NRXN1: variants seen among roughly 807,000 people sequenced by gnomAD.
NRXN1 encodes neurexin 1, also known as neurexin-1.
Under a neutral mutation model 150.9 loss-of-function variants are expected in NRXN1, and 39 were observed. The observed-to-expected ratio is 0.26, with a 90% confidence interval of 0.20 to 0.34. The LOEUF (loss-of-function observed/expected upper bound fraction) is 0.34, where lower values mean the gene tolerates loss of function less well. Ranked by LOEUF, NRXN1 falls within the 10% of genes least tolerant of loss-of-function variation. The pLI is 1.00. For missense variants in NRXN1, 1,815 were observed against 1,949.9 expected, an observed-to-expected ratio of 0.93 and a Z score of 1.30; for synonymous variants, 924 against 757.0, an observed-to-expected ratio of 1.22 and a Z score of -3.62.
At chr2:50,839,427 G>A (rs1672558963) in intron 5 of NRXN1, among the ~76,000 whole-genome samples, 1 of 152,058 alleles carries the variant, frequency 6.6e-6, no homozygotes, top group Non-Finnish European at 1.5e-5. Context: ...CATAATGTTT[G>A]AATTATTGTA....
chr2:50,951,794 T>G (rs1000964565), intron 2 of NRXN1, among the ~76,000 whole-genome samples: 3 of 151,612 alleles, frequency 2.0e-5, no homozygotes, highest in African/African-American at 7.3e-5. Context: ...TATAAAAATA[T>G]GTTTCCTCAT....
chr2:51,009,465 A>G (rs1667526459), intron 2 of NRXN1, among the ~76,000 whole-genome samples: 1 of 151,938 alleles, frequency 6.6e-6, no homozygotes, highest in African/African-American at 2.4e-5. Context: ...TCGGGACAAA[A>G]GGAATGGGAA....
At chr2:50,829,433 A>C in intron 5 of NRXN1, 1 of 1,500,610 alleles carries the variant, frequency 6.7e-7, no homozygotes, top group Non-Finnish European at 9.3e-7. Context: ...CGGCTAACTC[A>C]GGATTTTTCC....
intron 18 of NRXN1, among the ~76,000 whole-genome samples, chr2:50,210,941 A>G (rs1449181836): frequency 6.6e-6 from 1 of 151,752 alleles, no homozygotes; most frequent in South Asian, 2.1e-4. Context: ...TGGTTTAATC[A>G]AGTCTAAATA....
At chr2:50,320,368 G>C (rs1465758131) in intron 17 of NRXN1, among the ~76,000 whole-genome samples, 2 of 127,102 alleles carry the variant, frequency 1.6e-5, no homozygotes, top group African/African-American at 5.8e-5. Flanking sequence ...AGTAGGAATG[G>C]GTTTGTTTGA....
intron 18 of NRXN1, among the ~76,000 whole-genome samples, chr2:50,103,679 T>G (rs560539351): frequency 4.7e-4 from 72 of 152,186 alleles, no homozygotes; most frequent in Non-Finnish European, 6.0e-4. Context: ...CGTTTTGAAC[T>G]TGAGATAAAA....
At chr2:50,829,261 GGGAGA>G (rs1384320048) in intron 5 of NRXN1, among the ~76,000 whole-genome samples, 1 of 111,606 alleles carries the variant, frequency 9.0e-6, no homozygotes, top group Non-Finnish European at 2.1e-5. Context: ...GGAGACCGTG[GGGAGA>G]GGGAGAGGGA....
intron 8 of NRXN1, among the ~76,000 whole-genome samples, chr2:50,586,983 A>T (rs1466598191): frequency 6.6e-6 from 1 of 152,218 alleles, no homozygotes; most frequent in African/African-American, 2.4e-5. Context: ...ATTAGGAAAG[A>T]TAATTTCCAA....
chr2:50,315,798 T>G (rs2075555497), intron 17 of NRXN1, among the ~76,000 whole-genome samples: 1 of 152,166 alleles, frequency 6.6e-6, no homozygotes, highest in Non-Finnish European at 1.5e-5. Flanking sequence ...TAGTAATGCT[T>G]CTTTTGAAGT....
At chr2:50,079,692 A>G (rs968718657) in intron 19 of NRXN1, among the ~76,000 whole-genome samples, 1 of 152,136 alleles carries the variant, frequency 6.6e-6, no homozygotes, top group Admixed American at 6.5e-5. Context: ...GATTATCAGT[A>G]TTCTATTGAG....
Position 50,472,474 on chromosome 2 carries a change from G to T in NRXN1, c.3071-3C>A, listed in dbSNP as rs1488914789. On this transcript the variant is annotated splice_region_variant and splice_polypyrimidine_tract_variant and intron_variant, in intron 15 of 22. Transcript: ENST00000401669. ...TACTCCTCCTATATATAAGTCACCT[G>T]CAAGAAGATCAAAGTCTTTGTTACA... 2.5e-6 allele frequency: 4 copies of T among 1,607,542 alleles called. No individual in the cohort carries two copies. The highest frequency in any genetic ancestry group is 2.2e-5 in the East Asian group (1 of 44,752).
At chr2:50,969,421 G>T (rs947684567) in intron 2 of NRXN1, among the ~76,000 whole-genome samples, 2 of 151,794 alleles carry the variant, frequency 1.3e-5, no homozygotes, top group African/African-American at 4.8e-5. Context: ...AATGCTGGTT[G>T]GTATTAAATG....
intron 17 of NRXN1, among the ~76,000 whole-genome samples, chr2:50,340,802 T>C (rs2077494538): frequency 6.6e-6 from 1 of 152,136 alleles, no homozygotes; most frequent in South Asian, 2.1e-4. Context: ...ATTATTGAGA[T>C]TGTTAACATC....
intron 13 of NRXN1, among the ~76,000 whole-genome samples, chr2:50,503,038 T>C (rs1418210273): frequency 1.3e-5 from 2 of 152,118 alleles, no homozygotes; most frequent in Non-Finnish European, 2.9e-5. Context: ...CCAGGCACGG[T>C]GGCTCATGTC....
In NRXN1 at chr2:50,346,618, C is replaced by G; in HGVS notation, c.3365-109648G>C. The G allele has an allele frequency of 6.6e-7, 1 of 1,514,580 alleles. No individual in the cohort carries two copies. Among genetic ancestry groups the G allele is most frequent in the Non-Finnish European group, 9.2e-7 (1 of 1,092,896 alleles). The allele number at this position is 1,514,580 out of a possible 1,614,324, so 93.8% of individuals were successfully genotyped here. On this transcript the variant is annotated intron_variant, in intron 17 of 22. Transcript: ENST00000401669. The surrounding 1 kb of genome is among the most constrained non-coding windows in gnomAD (Gnocchi z 5.0). ...CTCCCATTTCTCTGAGCCTTAGGAG[C>G]CCAGGAGCGAGTGCAGGGTAGAAAG...
At chr2:50,080,407 CA>C (rs1230062975) in intron 19 of NRXN1, among the ~76,000 whole-genome samples, 1 of 151,956 alleles carries the variant, frequency 6.6e-6, no homozygotes, top group Non-Finnish European at 1.5e-5. Context: ...TTCTGGCATC[CA>C]ATGAGAGTCT....
At chr2:50,742,844 A>C (rs1031409464) in intron 5 of NRXN1, among the ~76,000 whole-genome samples, 1 of 152,140 alleles carries the variant, frequency 6.6e-6, no homozygotes, top group Non-Finnish European at 1.5e-5. Context: ...AATATTCTCC[A>C]CAACATTACT....
intron 5 of NRXN1, among the ~76,000 whole-genome samples, chr2:50,724,829 G>C (rs1654100335): frequency 6.6e-6 from 1 of 152,114 alleles, no homozygotes; most frequent in African/African-American, 2.4e-5. Flanking sequence ...TGGGCAACCT[G>C]CTTGGGTCCC....
intron 17 of NRXN1, among the ~76,000 whole-genome samples, chr2:50,304,795 T>A (rs2074463455): frequency 6.6e-6 from 1 of 152,104 alleles, no homozygotes; most frequent in Admixed American, 6.5e-5. Flanking sequence ...TCCATTAATA[T>A]AAAGGTACTC....
Sources: gnomAD v4.1 joint callset for allele counts (sites outside exome capture counted in the v4.1 genomes callset) on GRCh38, gnomAD v4.1.1 for gene constraint, Gnocchi (gnomAD v3.1) non-coding constraint, MANE v1.5 for transcripts, NCBI Gene and HGNC (gene_info 2026-07-23, HGNC 2026-07-21) for gene names.